Variants in RBFOX3 observed in about 807,000 individuals in gnomAD.
The protein encoded by RBFOX3 is RNA binding protein fox-1 homolog 3.
RBFOX3 carries 17 observed loss-of-function variants against 48.7 expected under a neutral mutation model. The ratio of observed to expected loss-of-function variants is 0.35; its 90% confidence interval spans 0.24 to 0.52. The LOEUF (loss-of-function observed/expected upper bound fraction) is 0.52, where lower values mean the gene tolerates loss of function less well. Ranked by LOEUF, RBFOX3 falls within the 20% of genes least tolerant of loss-of-function variation. The pLI is 0.94. For missense variants in RBFOX3, 382 were observed against 497.5 expected, an observed-to-expected ratio of 0.77 and a Z score of 2.21; for synonymous variants, 212 against 209.5, an observed-to-expected ratio of 1.01 and a Z score of -0.10.
intron 4 of RBFOX3, among the ~76,000 whole-genome samples, chr17:79,206,771 G>A (rs2057556435): frequency 6.6e-6 from 1 of 152,166 alleles, no homozygotes; most frequent in Non-Finnish European, 1.5e-5. Context: ...GCAGCTGGTG[G>A]ATGCAACCTT....
chr17:79,248,209 A>C (rs956518030), intron 3 of RBFOX3, among the ~76,000 whole-genome samples: 2 of 152,096 alleles, frequency 1.3e-5, no homozygotes, highest in Non-Finnish European at 2.9e-5. Flanking sequence ...CAAGTGATGA[A>C]AAGGCTGGTG....
chr17:79,603,159 T>A (rs2093746856), intron 1 of RBFOX3, among the ~76,000 whole-genome samples: 1 of 152,008 alleles, frequency 6.6e-6, no homozygotes, highest in African/African-American at 2.4e-5. Context: ...CCCAGCGAAT[T>A]TTTTGTACTT....
intron 4 of RBFOX3, among the ~76,000 whole-genome samples, chr17:79,118,906 G>A (rs1568165524): frequency 6.6e-6 from 1 of 151,088 alleles, no homozygotes; most frequent in African/African-American, 2.4e-5. Flanking sequence ...GAGCCTGGAG[G>A]TTGAGGCTGC....
chr17:79,368,064 T>C (rs755475800), intron 2 of RBFOX3, among the ~76,000 whole-genome samples: 15 of 152,220 alleles, frequency 9.9e-5, no homozygotes, highest in Non-Finnish European at 1.6e-4. Flanking sequence ...TTTGCTTTCA[T>C]TTCCTGCTAA....
At chr17:79,287,898 A>G (rs1259458052) in intron 3 of RBFOX3, among the ~76,000 whole-genome samples, 2 of 152,164 alleles carry the variant, frequency 1.3e-5, no homozygotes, top group East Asian at 3.9e-4. Flanking sequence ...GGATTGTCAC[A>G]TTGCGGCACG....
At chr17:79,442,250 A>G (rs1441952842) in intron 2 of RBFOX3, among the ~76,000 whole-genome samples, 2,984 of 4,814 alleles carry the variant, frequency 0.62, 826 homozygotes, top group East Asian at 0.69. Context: ...AGAGAGAGAG[A>G]GAGAGAGAGA....
chr17:79,335,065 C>T (rs2889622), intron 2 of RBFOX3, among the ~76,000 whole-genome samples: 130,253 of 151,870 alleles, frequency 0.86, 55,973 homozygotes, highest in Non-Finnish European at 0.89. Context: ...CCCAGAGTTA[C>T]TGTCATCACA....
intron 4 of RBFOX3, among the ~76,000 whole-genome samples, chr17:79,162,366 C>T (rs2047152167): frequency 6.6e-6 from 1 of 152,188 alleles, no homozygotes; most frequent in Non-Finnish European, 1.5e-5. Context: ...TCGGACAAGG[C>T]CGCCCCCAGC....
intron 2 of RBFOX3, among the ~76,000 whole-genome samples, chr17:79,442,502 G>A (rs1332122882): frequency 6.6e-6 from 1 of 151,924 alleles, no homozygotes; most frequent in Non-Finnish European, 1.5e-5. Flanking sequence ...TGTGGTGAGA[G>A]GCGTATGGTA....
At chr17:79,433,630 G>A (rs1333782031) in intron 2 of RBFOX3, among the ~76,000 whole-genome samples, 1 of 152,286 alleles carries the variant, frequency 6.6e-6, no homozygotes, top group East Asian at 1.9e-4. Flanking sequence ...ACGTGAGCAG[G>A]ACTGAGCCAC....
intron 2 of RBFOX3, among the ~76,000 whole-genome samples, chr17:79,386,593 T>A (rs746359435): frequency 1.2e-4 from 19 of 152,178 alleles, no homozygotes; most frequent in Non-Finnish European, 2.4e-4. Context: ...CTCCACCAGG[T>A]CCCACAGAGC....
intron 3 of RBFOX3, among the ~76,000 whole-genome samples, chr17:79,306,266 A>G (rs1031142805): frequency 6.6e-6 from 1 of 152,240 alleles, no homozygotes; most frequent in Non-Finnish European, 1.5e-5. Flanking sequence ...AAAATAAACG[A>G]GACGGGGCTG....
chr17:79,288,539 C>T (rs1485129544), intron 3 of RBFOX3, among the ~76,000 whole-genome samples: 1 of 152,084 alleles, frequency 6.6e-6, no homozygotes, highest in Non-Finnish European at 1.5e-5. Context: ...GAGACTCCCC[C>T]ACTGCAAAAC....
chr17:79,371,864 A>G (rs2058587082), intron 2 of RBFOX3, among the ~76,000 whole-genome samples: 1 of 152,178 alleles, frequency 6.6e-6, no homozygotes. Flanking sequence ...CGACACTGAG[A>G]TGGGGAGCTG....
the RBFOX3 span, among the ~76,000 whole-genome samples, chr17:79,663,860 T>C: frequency 6.6e-6 from 1 of 152,186 alleles, no homozygotes; most frequent in Non-Finnish European, 1.5e-5. Flanking sequence ...TAAGTTTGAA[T>C]TTACGTAGAA....
At chr17:79,586,347 G>A (rs964767514) in intron 1 of RBFOX3, among the ~76,000 whole-genome samples, 4 of 152,174 alleles carry the variant, frequency 2.6e-5, no homozygotes, top group Non-Finnish European at 4.4e-5. Context: ...AGCGGCCTCC[G>A]CCCCACCTGC....
At chr17:79,267,227 T>C (rs1567946663) in intron 3 of RBFOX3, among the ~76,000 whole-genome samples, 2 of 152,084 alleles carry the variant, frequency 1.3e-5, no homozygotes, top group Admixed American at 6.5e-5. Flanking sequence ...CCCTGTGCCA[T>C]CTCTCAGCCT....
intron 3 of RBFOX3, among the ~76,000 whole-genome samples, chr17:79,305,042 C>T (rs968617943): frequency 2.0e-5 from 3 of 152,202 alleles, no homozygotes; most frequent in Non-Finnish European, 4.4e-5. Context: ...TCCGCTGTGG[C>T]CCTGCTCTCA....
intron 4 of RBFOX3, among the ~76,000 whole-genome samples, chr17:79,118,975 C>CA (rs767042086): frequency 0.047 from 3,565 of 75,580 alleles, 64 homozygotes; most frequent in African/African-American, 0.057. Context: ...ACCCCTGTCT[C>CA]AAAAAAAAAA....
Sources: gnomAD v4.1 joint callset for allele counts (sites outside exome capture counted in the v4.1 genomes callset) on GRCh38, gnomAD v4.1.1 for gene constraint, MANE v1.5 for transcripts, NCBI Gene and HGNC (gene_info 2026-07-23, HGNC 2026-07-21) for gene names.